NPAS3: variants seen among roughly 807,000 people sequenced by gnomAD.
The protein encoded by NPAS3 is neuronal PAS domain-containing protein 3.
Under a neutral mutation model 73.1 loss-of-function variants are expected in NPAS3, and 14 were observed. That is an observed-to-expected ratio of 0.19 (90% CI 0.13 to 0.30). The LOEUF (loss-of-function observed/expected upper bound fraction) is 0.30. NPAS3 is among the 10% of genes least tolerant of loss of function. NPAS3 has a pLI of 1.00. For synonymous variants in NPAS3, 620 were observed against 541.5 expected (o/e 1.14, Z -2.01); for missense variants, 1,096 against 1,250.0 (o/e 0.88, Z 1.86).
chr14:33,421,842 G>A (rs905688497), intron 4 of NPAS3, among the ~76,000 whole-genome samples: 2 of 151,908 alleles, frequency 1.3e-5, no homozygotes, highest in Non-Finnish European at 2.9e-5. Context: ...GAGTTATTTG[G>A]TATTAAGAAG....
chr14:33,191,361 T>C (rs2046164859), intron 2 of NPAS3, among the ~76,000 whole-genome samples: 1 of 152,234 alleles, frequency 6.6e-6, no homozygotes, highest in African/African-American at 2.4e-5. Flanking sequence ...TGTTAAATCT[T>C]ATAATTTGAG....
Position 33,680,278 on chromosome 14 carries a change from T to C in NPAS3, c.733+3893T>C, listed in dbSNP as rs1407746714. On this transcript the variant is annotated intron_variant, in intron 6 of 11. Coordinates refer to ENST00000356141, the Ensembl canonical transcript of NPAS3. The stretch of plus-strand genomic sequence containing the variant: ...AGAAATCCTGGAGGAACTTTAAAAC[T>C]CTTCCTATGTTGAAGGCAAATAGTA... Among the ~76,000 whole-genome samples the C allele has an allele frequency of 3.3e-5, 5 of 152,216 alleles. No individual in the cohort carries two copies. In the East Asian group the frequency reaches 9.6e-4, roughly 29 times the overall value.
chr14:33,618,280 A>G (rs28449896), intron 5 of NPAS3, among the ~76,000 whole-genome samples: 1 of 151,880 alleles, frequency 6.6e-6, no homozygotes, highest in Non-Finnish European at 1.5e-5. Flanking sequence ...TTATTATTAT[A>G]TTGTAAAATA....
intron 4 of NPAS3, among the ~76,000 whole-genome samples, chr14:33,375,976 T>G (rs757819821): frequency 6.6e-6 from 1 of 152,158 alleles, no homozygotes; most frequent in African/African-American, 2.4e-5. Flanking sequence ...TTATTTTCTG[T>G]TGAGATTAAT....
chr14:33,526,859 T>C (rs1313969537), intron 4 of NPAS3, among the ~76,000 whole-genome samples: 1 of 152,078 alleles, frequency 6.6e-6, no homozygotes, highest in African/African-American at 2.4e-5. Flanking sequence ...CAGACCTCAC[T>C]GTGTTAATGA....
chr14:33,547,655 G>A (rs1338240637), intron 4 of NPAS3, among the ~76,000 whole-genome samples: 1 of 152,168 alleles, frequency 6.6e-6, no homozygotes, highest in Non-Finnish European at 1.5e-5. Flanking sequence ...AGAAGAAACA[G>A]AAGAAAAGTA....
chr14:33,716,107 A>T (rs1289488598), intron 6 of NPAS3, among the ~76,000 whole-genome samples: 1 of 152,194 alleles, frequency 6.6e-6, no homozygotes, highest in Non-Finnish European at 1.5e-5. Context: ...CCTTGGGGGC[A>T]AGACCACTAT....
chr14:33,167,418 GACACACACAT>G (rs1003596469), intron 2 of NPAS3, among the ~76,000 whole-genome samples: 1 of 151,850 alleles, frequency 6.6e-6, no homozygotes, highest in African/African-American at 2.4e-5. Flanking sequence ...CGCACAAACA[GACACACACAT>G]ACACACACAC....
chr14:32,942,860 G>A (rs1423365276), intron 1 of NPAS3, among the ~76,000 whole-genome samples: 1 of 152,132 alleles, frequency 6.6e-6, no homozygotes, highest in African/African-American at 2.4e-5. Context: ...ATATCACAAG[G>A]CCAAGGGTCT....
intron 5 of NPAS3, among the ~76,000 whole-genome samples, chr14:33,655,408 G>T (rs74042358): frequency 4.1e-4 from 60 of 146,714 alleles, no homozygotes; most frequent in African/African-American, 1.5e-3. Flanking sequence ...CATGCATGTG[G>T]CTTTGTGAAA....
chr14:33,286,035 C>T (rs1336777552), intron 3 of NPAS3, among the ~76,000 whole-genome samples: 2 of 152,088 alleles, frequency 1.3e-5, no homozygotes, highest in African/African-American at 4.8e-5. Context: ...TCTCCCCTCC[C>T]CAGGCTGATG....
chr14:33,489,737 ATAT>A (rs1053995573), intron 4 of NPAS3, among the ~76,000 whole-genome samples: 1 of 152,192 alleles, frequency 6.6e-6, no homozygotes, highest in African/African-American at 2.4e-5. Flanking sequence ...CCTCCAGAAC[ATAT>A]TATAAATTGG....
rs186893156 is a variant in NPAS3 at position 33,422,471 on chromosome 14, C to A, written c.468+55203C>A. On this transcript the variant is annotated intron_variant, in intron 4 of 11. Transcript: ENST00000356141. ...ACAGGTATAAAGGGAAATTATATTT[C>A]TTCCTTACCAATTATACCTTCTGTC... Among the ~76,000 whole-genome samples the A allele has an allele frequency of 3.9e-3, 596 of 152,020 alleles. 3 individuals are homozygous for A. Among genetic ancestry groups the A allele is most frequent in the Non-Finnish European group, 5.0e-3 (342 of 67,860 alleles).
chr14:33,501,547 T>G (rs1324648364), intron 4 of NPAS3, among the ~76,000 whole-genome samples: 3 of 151,924 alleles, frequency 2.0e-5, no homozygotes, highest in Non-Finnish European at 4.4e-5. Flanking sequence ...CCTCTCTGCT[T>G]TCTCTCATCA....
intron 3 of NPAS3, among the ~76,000 whole-genome samples, chr14:33,273,513 A>G (rs1449685756): frequency 6.6e-6 from 1 of 152,180 alleles, no homozygotes; most frequent in Non-Finnish European, 1.5e-5. Flanking sequence ...TGAACAACCT[A>G]GAGAATTATG....
intron 2 of NPAS3, among the ~76,000 whole-genome samples, chr14:33,135,662 T>G (rs1351892116): frequency 6.6e-6 from 1 of 152,134 alleles, no homozygotes; most frequent in African/African-American, 2.4e-5. Context: ...CAGTCTGAAT[T>G]TTTCAGTGGG....
At chr14:32,999,502 T>C (rs1380502349) in intron 1 of NPAS3, among the ~76,000 whole-genome samples, 2 of 143,314 alleles carry the variant, frequency 1.4e-5, no homozygotes, top group Admixed American at 6.9e-5. Context: ...CAGTATGAGA[T>C]TCTATCTCAA....
intron 2 of NPAS3, among the ~76,000 whole-genome samples, chr14:33,201,860 T>G (rs2046632055): frequency 6.6e-6 from 1 of 152,214 alleles, no homozygotes; most frequent in Non-Finnish European, 1.5e-5. Context: ...TTCCTCCATC[T>G]GAGAACTCTC....
intron 3 of NPAS3, among the ~76,000 whole-genome samples, chr14:33,287,942 G>T (rs2041945102): frequency 6.6e-6 from 1 of 151,826 alleles, no homozygotes; most frequent in African/African-American, 2.4e-5. Context: ...AAGTAACTTT[G>T]TGTATGCAGT....
Sources: gnomAD v4.1 joint callset for allele counts (sites outside exome capture counted in the v4.1 genomes callset) on GRCh38, gnomAD v4.1.1 for gene constraint, MANE v1.5 for transcripts, NCBI Gene and HGNC (gene_info 2026-07-23, HGNC 2026-07-21) for gene names.